Variants in LIMS1 observed in about 807,000 individuals in gnomAD.
LIMS1 encodes LIM zinc finger domain containing 1, also known as LIM and senescent cell antigen-like-containing domain protein 1.
A neutral mutation model predicts 44.1 loss-of-function variants in LIMS1; 18 were observed. That is an observed-to-expected ratio of 0.41 (90% CI 0.28 to 0.61). LIMS1 has a LOEUF of 0.61. Ranked by LOEUF, LIMS1 falls within the 20% of genes least tolerant of loss-of-function variation. LIMS1 has a pLI of 0.32. For missense variants in LIMS1, 201 were observed against 422.0 expected, an observed-to-expected ratio of 0.48 and a Z score of 4.59; for synonymous variants, 93 against 149.1, an observed-to-expected ratio of 0.62 and a Z score of 2.74.
rs1287092834 is a variant in LIMS1, at chr2:108,607,220, T to A, written c.33-52385T>A. 3.9e-6 allele frequency: 6 copies of A among 1,551,008 alleles called. No homozygotes were observed. In the Admixed American group the frequency reaches 1.2e-4, roughly 30 times the overall value. ...GGAGAGCTTAGCTTGGACAGCCAGC[T>A]GATGAGGGACACATCGAATCAAGAT... is the stretch of plus-strand genomic sequence containing the variant. On this transcript the variant is annotated intron_variant, in intron 1 of 9. Transcript: ENST00000544547.
At chr2:108,554,156 A>T (rs1684847438) in intron 1 of LIMS1, among the ~76,000 whole-genome samples, 1 of 152,120 alleles carries the variant, frequency 6.6e-6, no homozygotes, top group African/African-American at 2.4e-5. Context: ...GTTATTCTGA[A>T]GCCAAGGAAA....
At chr2:108,611,273 G>A (rs1007896364) in intron 1 of LIMS1, among the ~76,000 whole-genome samples, 1 of 152,122 alleles carries the variant, frequency 6.6e-6, no homozygotes, top group African/African-American at 2.4e-5. Context: ...AACTAAATTT[G>A]GTAAGTGTAT....
chr2:108,557,125 T>A (rs980826142), intron 1 of LIMS1, among the ~76,000 whole-genome samples: 8 of 152,210 alleles, frequency 5.3e-5, no homozygotes, highest in African/African-American at 1.9e-4. Context: ...TCTCCCAGGC[T>A]AGAGTGCAGT....
At chr2:108,621,671 T>G (rs1199882032) in intron 1 of LIMS1, among the ~76,000 whole-genome samples, 1 of 152,188 alleles carries the variant, frequency 6.6e-6, no homozygotes, top group Non-Finnish European at 1.5e-5. Flanking sequence ...CACAAATCCT[T>G]TAAGTTGTTT....
intron 1 of LIMS1, among the ~76,000 whole-genome samples, chr2:108,631,234 C>G (rs896894064): frequency 1.3e-5 from 2 of 152,138 alleles, no homozygotes; most frequent in Non-Finnish European, 2.9e-5. Flanking sequence ...CCTTCCCTTC[C>G]TAGTTTTGAG....
intron 1 of LIMS1, among the ~76,000 whole-genome samples, chr2:108,615,008 A>G (rs750132081): frequency 2.6e-5 from 4 of 152,172 alleles, no homozygotes; most frequent in South Asian, 4.2e-4. Flanking sequence ...TATTTAACCT[A>G]TTGGATTTTT....
intron 1 of LIMS1, among the ~76,000 whole-genome samples, chr2:108,658,915 C>G (rs1295859348): frequency 6.6e-6 from 1 of 152,278 alleles, no homozygotes; most frequent in Non-Finnish European, 1.5e-5. Flanking sequence ...CTTCCTTTAA[C>G]TAATTAGCCT....
chr2:108,642,336 TTTTTTGTTTTTTTTTTTTTTTG>T (rs763103717), intron 1 of LIMS1, among the ~76,000 whole-genome samples: 3 of 22,110 alleles, frequency 1.4e-4, no homozygotes, highest in Non-Finnish European at 3.2e-4. Context: ...GCTACTAGTG[TTTTTTGTTTTTTTTTTTTTTTG>T]TTTTTTGTTT....
At chr2:108,652,049 T>TA (rs1451312828) in intron 1 of LIMS1, among the ~76,000 whole-genome samples, 1 of 143,014 alleles carries the variant, frequency 7.0e-6, no homozygotes, top group Admixed American at 7.1e-5. Context: ...AAAAGACACT[T>TA]ACCACTTCAG....
At chr2:108,684,969 A>G (rs1396497685) in exon 10 of LIMS1, 1 of 152,164 alleles carries the variant, frequency 6.6e-6, no homozygotes, top group African/African-American at 2.4e-5. Flanking sequence ...TAAATCAGGA[A>G]TTCTAGCCAT....
chr2:108,550,557 T>C (rs954716793), intron 1 of LIMS1, among the ~76,000 whole-genome samples: 13 of 151,644 alleles, frequency 8.6e-5, no homozygotes, highest in Non-Finnish European at 1.6e-4. Flanking sequence ...GGCTCACGCC[T>C]GTAATCCCAG....
At chr2:108,567,890 G>A (rs1241034199) in intron 1 of LIMS1, among the ~76,000 whole-genome samples, 1 of 152,146 alleles carries the variant, frequency 6.6e-6, no homozygotes, top group Non-Finnish European at 1.5e-5. Context: ...GTTCTTGTTT[G>A]TTTCCAAATA....
intron 1 of LIMS1, among the ~76,000 whole-genome samples, chr2:108,614,700 C>G (rs374004953): frequency 6.6e-6 from 1 of 152,124 alleles, no homozygotes; most frequent in East Asian, 1.9e-4. Flanking sequence ...ATATCAGAAA[C>G]GTGGCCACAC....
chr2:108,653,006 T>C (rs1450148313), intron 1 of LIMS1, among the ~76,000 whole-genome samples: 1 of 152,236 alleles, frequency 6.6e-6, no homozygotes, highest in Non-Finnish European at 1.5e-5. Flanking sequence ...TATTTAAATA[T>C]GGTGGTTCCC....
chr2:108,581,284 G>C (rs965230572), intron 1 of LIMS1, among the ~76,000 whole-genome samples: 1 of 152,204 alleles, frequency 6.6e-6, no homozygotes, highest in Non-Finnish European at 1.5e-5. Context: ...ACCCCCGCCA[G>C]TCGTAAGCTG....
chr2:108,607,401 A>T (rs1687331381), intron 1 of LIMS1: 1 of 766,686 alleles, frequency 1.3e-6, no homozygotes, highest in Non-Finnish European at 2.2e-6. Flanking sequence ...ACAAGGGTGT[A>T]TTTTTGTGCA....
chr2:108,665,064 T>C (rs1404043064), intron 2 of LIMS1, among the ~76,000 whole-genome samples: 2 of 152,230 alleles, frequency 1.3e-5, no homozygotes, highest in African/African-American at 4.8e-5. Flanking sequence ...TTTCCCTGCC[T>C]TATGTATTTT....
At chr2:108,670,610 A>T (rs1692101124) in intron 2 of LIMS1, among the ~76,000 whole-genome samples, 171 bp from the exon 3 acceptor site, 1 of 151,964 alleles carries the variant, frequency 6.6e-6, no homozygotes, top group Admixed American at 6.6e-5. Context: ...CAACATGTAG[A>T]TGTATGGATG....
At chr2:108,612,964 C>G (rs1365288357) in intron 1 of LIMS1, among the ~76,000 whole-genome samples, 1 of 152,120 alleles carries the variant, frequency 6.6e-6, no homozygotes, top group African/African-American at 2.4e-5. Context: ...GTTTTAGGCC[C>G]TGGGACAGTG....
Sources: gnomAD v4.1 joint callset for allele counts (sites outside exome capture counted in the v4.1 genomes callset) on GRCh38, gnomAD v4.1.1 for gene constraint, MANE v1.5 for transcripts, NCBI Gene and HGNC (gene_info 2026-07-23, HGNC 2026-07-21) for gene names.